Variants in MRAS observed in about 807,000 individuals in gnomAD.
MRAS encodes muscle RAS oncogene homolog.
A neutral mutation model predicts 20.9 loss-of-function variants in MRAS; 4 were observed. That is an observed-to-expected ratio of 0.19 (90% CI 0.09 to 0.44). MRAS has a LOEUF of 0.44. MRAS is among the 20% of genes least tolerant of loss of function. The pLI, the probability that MRAS is intolerant of heterozygous loss-of-function variation, is 0.99. For missense variants in MRAS, 154 were observed against 277.5 expected, an observed-to-expected ratio of 0.56 and a Z score of 3.16; for synonymous variants, 98 against 102.9, an observed-to-expected ratio of 0.95 and a Z score of 0.29.
intron 1 of MRAS, among the ~76,000 whole-genome samples, chr3:138,372,556 G>C (rs2054696855): frequency 6.6e-6 from 1 of 152,140 alleles, no homozygotes; most frequent in South Asian, 2.1e-4. Context: ...GTAGAGTTTA[G>C]TGGCCAAAAA....
chr3:138,379,295 G>A (rs2108529829), intron 2 of MRAS, among the ~76,000 whole-genome samples: 1 of 151,356 alleles, frequency 6.6e-6, no homozygotes, highest in South Asian at 2.1e-4. Flanking sequence ...TCTGTGCCTG[G>A]CTTGTTTCAC....
At chr3:138,362,909 C>G (rs1576347405) in intron 1 of MRAS, among the ~76,000 whole-genome samples, 1 of 152,204 alleles carries the variant, frequency 6.6e-6, no homozygotes, top group African/African-American at 2.4e-5. Context: ...CACATACACA[C>G]TCCACATTCC....
At chr3:138,398,952 G>T (rs971876260) in intron 4 of MRAS, among the ~76,000 whole-genome samples, 2 of 152,216 alleles carry the variant, frequency 1.3e-5, no homozygotes, top group Admixed American at 1.3e-4. Flanking sequence ...TTGAGCTGCG[G>T]TGCCTTCCTG....
chr3:138,380,339 G>A (rs917259322), intron 2 of MRAS, among the ~76,000 whole-genome samples: 1 of 151,550 alleles, frequency 6.6e-6, no homozygotes, highest in Non-Finnish European at 1.5e-5. Context: ...CTGAAATGAG[G>A]TCTCACTCTG....
rs746824076 is a variant in MRAS, at chr3:138,397,490, G to A, written c.347+13G>A. ...GCGTCAAAGACAGGTGAGCATCAAA[G>A]ACAGGTGAGAGTACCGGGAAGAGGC... On this transcript the variant is annotated intron_variant, in intron 3 of 5. Coordinates refer to ENST00000423968, the MANE Select transcript of MRAS (RefSeq NM_001085049.3). The A allele has an allele frequency of 6.2e-7, 1 of 1,613,880 alleles. No homozygotes were observed. Among genetic ancestry groups the A allele is most frequent in the East Asian group, 2.2e-5 (1 of 44,888 alleles).
At chr3:138,354,815 C>G (rs191749063) in intron 1 of MRAS, among the ~76,000 whole-genome samples, 12 of 121,306 alleles carry the variant, frequency 9.9e-5, no homozygotes, top group African/African-American at 3.5e-4. Flanking sequence ...AAGTCTCACT[C>G]TGTTGCTTAG....
chr3:138,391,224 A>C (rs1283199440), intron 2 of MRAS, among the ~76,000 whole-genome samples: 1 of 151,774 alleles, frequency 6.6e-6, no homozygotes, highest in Non-Finnish European at 1.5e-5. Flanking sequence ...TTTCAGTTTT[A>C]GTTTCTGAAA....
chr3:138,364,171 T>C (rs559167044), intron 1 of MRAS, among the ~76,000 whole-genome samples: 2 of 152,110 alleles, frequency 1.3e-5, no homozygotes, highest in East Asian at 1.9e-4. Context: ...CACACACATA[T>C]CGGCCTGCTA....
At chr3:138,355,520 C>T (rs1266893107) in intron 1 of MRAS, among the ~76,000 whole-genome samples, 1 of 152,190 alleles carries the variant, frequency 6.6e-6, no homozygotes, top group Admixed American at 6.5e-5. Flanking sequence ...TATTGGGGAC[C>T]GAGATTTCAT....
rs541711064 is a variant in MRAS, at chr3:138,357,214, TGGGGCCGCCCTTGCCCCAAGC to T, written c.-19+8454_-19+8474del. Among the ~76,000 whole-genome samples the T allele has an allele frequency of 6.9e-3, 1,052 of 152,268 alleles. 7 individuals are homozygous for T. The highest frequency in any genetic ancestry group is 0.024 in the African/African-American group (1,006 of 41,554). On this transcript the variant is annotated intron_variant, in intron 1 of 5. Transcript: ENST00000423968. Reference sequence around the variant, plus strand: ...AGCCCCTTTGTGTGGAAGGAGAAGGTGGGGCCGCCCTTGCCCCAAGCGGGGCCTCTGGCAGTGCCTGGTGTT... The same window carrying T: ...AGCCCCTTTGTGTGGAAGGAGAAGGTGGGGCCTCTGGCAGTGCCTGGTGTT...
chr3:138,354,467 G>A lies in MRAS; in HGVS notation c.-19+5700G>A, dbSNP rs75532947. ...AGTTTTCATGTATTGGCTCTCTCTT[G>A]GGGCTTCATGTCCTCAGTTAATGCC... On this transcript the variant is annotated intron_variant, in intron 1 of 5. Coordinates refer to ENST00000423968, the MANE Select transcript of MRAS (RefSeq NM_001085049.3). Among the ~76,000 whole-genome samples the A allele has an allele frequency of 9.5e-4, 144 of 152,258 alleles. 1 individual carries two copies. Among genetic ancestry groups the A allele is most frequent in the African/African-American group, 3.3e-3 (138 of 41,540 alleles).
intron 1 of MRAS, among the ~76,000 whole-genome samples, chr3:138,370,003 G>A (rs1576355705): frequency 6.6e-6 from 1 of 152,194 alleles, no homozygotes; most frequent in African/African-American, 2.4e-5. Context: ...GTCGCTGCCA[G>A]CAGAGAATGG....
intron 1 of MRAS, among the ~76,000 whole-genome samples, chr3:138,353,726 C>G (rs900764475): frequency 5.3e-5 from 8 of 152,218 alleles, no homozygotes; most frequent in Admixed American, 4.6e-4. Context: ...TTTCCTTCAG[C>G]AAAGACTTGT....
At chr3:138,363,676 G>A (rs1012762293) in intron 1 of MRAS, among the ~76,000 whole-genome samples, 1 of 152,132 alleles carries the variant, frequency 6.6e-6, no homozygotes, top group Admixed American at 6.6e-5. Flanking sequence ...GAGCATGTGT[G>A]TGTCTTGAGA....
rs1011286151 is a variant in MRAS, at chr3:138,404,000, G to T, written c.*1731G>T. On this transcript the variant is annotated 3_prime_UTR_variant, in exon 6 of 6. Transcript: ENST00000423968. ...AAGGAGACAGTTGAGACTTTTGCTT[G>T]TTGGAAATCAAACTTCTTATTTGTC... 6.6e-6 allele frequency: 1 copy of T among 152,196 alleles called. No homozygotes were observed. The highest frequency in any genetic ancestry group is 1.5e-5 in the Non-Finnish European group (1 of 68,036). The allele number at this position is 152,196 out of a possible 1,614,324, so 9.4% of individuals were successfully genotyped here.
intron 2 of MRAS, among the ~76,000 whole-genome samples, chr3:138,376,185 G>A (rs933808207): frequency 1.3e-5 from 2 of 152,142 alleles, no homozygotes; most frequent in Non-Finnish European, 2.9e-5. Context: ...TTGGGACTTT[G>A]CATTTTGTCT....
At chr3:138,353,647 C>G (rs1253520109) in intron 1 of MRAS, among the ~76,000 whole-genome samples, 1 of 152,202 alleles carries the variant, frequency 6.6e-6, no homozygotes, top group Non-Finnish European at 1.5e-5. Context: ...GTATGTCCGT[C>G]CTTTCTTCCA....
In MRAS at chr3:138,405,012, C is replaced by T. The variant is rs2293252; in HGVS notation, c.*2743C>T. ...ATTTCTTCCACTGTTTGACACCCTC[C>T]TTAGAGGGCTGCTCTTTTTTTTCCA... On this transcript the variant is annotated 3_prime_UTR_variant, in exon 6 of 6. Transcript: ENST00000423968. The T allele has an allele frequency of 0.6, 91,409 of 152,124 alleles. 28,566 individuals are homozygous for T. The highest frequency in any genetic ancestry group is 0.74 in the East Asian group (3,819 of 5,170). 9.4% of individuals were successfully genotyped at this position (152,124 alleles called of 1,614,324 possible). A position where few individuals can be genotyped will look rare whatever the true frequency, so the allele number is the denominator to read the frequency against.
At chr3:138,361,111 G>C (rs2054437681) in intron 1 of MRAS, among the ~76,000 whole-genome samples, 1 of 152,232 alleles carries the variant, frequency 6.6e-6, no homozygotes. Context: ...ATAGATGGAA[G>C]CAAGGTGGCT....
Sources: gnomAD v4.1 joint callset for allele counts (sites outside exome capture counted in the v4.1 genomes callset) on GRCh38, gnomAD v4.1.1 for gene constraint, MANE v1.5 for transcripts, NCBI Gene and HGNC (gene_info 2026-07-23, HGNC 2026-07-21) for gene names.